The following THSD4 variants were observed in gnomAD, a reference collection of about 807,000 sequenced individuals.
THSD4 encodes thrombospondin type-1 domain-containing protein 4.
Under a neutral mutation model 119.0 loss-of-function variants are expected in THSD4, and 69 were observed. The ratio of observed to expected loss-of-function variants is 0.58; its 90% CI spans 0.48 to 0.71. The LOEUF is 0.71. Among genes scored for constraint, THSD4 ranks in the 30% least tolerant of loss-of-function variants. THSD4 has a pLI of 0.00. For missense variants in THSD4, 1,393 were observed against 1,391.1 expected, an observed-to-expected ratio of 1.00 and a Z score of -0.02; for synonymous variants, 524 against 540.4, an observed-to-expected ratio of 0.97 and a Z score of 0.42.
chr15:71,659,700 C>T (rs975715493), intron 7 of THSD4, among the ~76,000 whole-genome samples: 2 of 152,170 alleles, frequency 1.3e-5, no homozygotes, highest in Non-Finnish European at 2.9e-5. Context: ...ACATGAGCCA[C>T]CATGTCTGGC....
In THSD4 at chr15:71,777,256, A is replaced by G. The variant is rs1417195204; in HGVS notation, c.2939A>G (p.Tyr980Cys). The G allele has an allele frequency of 5.6e-6, 9 of 1,614,082 alleles. No individual in the cohort carries two copies. The highest frequency in any genetic ancestry group is 1.3e-5 in the African/African-American group (1 of 74,942). The change falls in exon 18 of 18, where the codon TAC becomes TGC. Residue 980 changes from tyrosine to cysteine, a missense_variant. Transcript: ENST00000261862. ...EVDENCKDKY[Y>C]NCNVVVQARL... ...GATGAAAACTGCAAGGACAAGTACT[A>G]CAACTGCAACGTGGTGGTCCAGGCA...
chr15:71,515,969 C>T (rs1004799527), intron 7 of THSD4, among the ~76,000 whole-genome samples: 6 of 152,152 alleles, frequency 3.9e-5, no homozygotes, highest in Non-Finnish European at 5.9e-5. Context: ...GTTAATACCC[C>T]AAATCAAGCC....
chr15:71,153,153 G>A (rs981978591), intron 2 of THSD4, among the ~76,000 whole-genome samples: 6 of 152,146 alleles, frequency 3.9e-5, no homozygotes, highest in African/African-American at 1.2e-4. Flanking sequence ...CAGGGCATCC[G>A]GATCAAGCTC....
At position 71,582,382 on chromosome 15, in the gene THSD4, G is replaced by A. The variant is rs569993402; in HGVS notation, c.1153-78148G>A. Reference sequence around the variant, plus strand: ...TTTATTAGTTTTAACAGGTTTTTTTGTTAGGGTCTAGGATTTTCTATGTAT... The same window carrying A: ...TTTATTAGTTTTAACAGGTTTTTTTATTAGGGTCTAGGATTTTCTATGTAT... On this transcript the variant is annotated intron_variant, in intron 7 of 17. Coordinates refer to ENST00000261862, the MANE Select transcript of THSD4 (RefSeq NM_024817.3). 5.3e-5 allele frequency among the ~76,000 whole-genome samples: 8 copies of A among 152,104 alleles called. No individual in the cohort carries two copies. In the East Asian group the frequency reaches 1.5e-3, roughly 29 times the overall value.
intron 6 of THSD4, among the ~76,000 whole-genome samples, chr15:71,375,375 C>G (rs2046119842): frequency 6.6e-6 from 1 of 152,160 alleles, no homozygotes; most frequent in Non-Finnish European, 1.5e-5. Flanking sequence ...TCTGACCTTC[C>G]AAGACCGAGT....
chr15:71,751,781 C>T (rs892087414), intron 14 of THSD4, among the ~76,000 whole-genome samples: 2 of 152,152 alleles, frequency 1.3e-5, no homozygotes, highest in Non-Finnish European at 2.9e-5. Context: ...GATCCTCCCT[C>T]CTCAGCCTCC....
rs757876516 is a variant in THSD4, at chr15:71,545,424, C to A, written c.1153-115106C>A. Reference sequence around the variant, plus strand: ...CAAATAAAGTTTTATTGGAACACAGCTACACCCATTCATGTGTGTGTTGTC... The same window carrying A: ...CAAATAAAGTTTTATTGGAACACAGATACACCCATTCATGTGTGTGTTGTC... On this transcript the variant is annotated intron_variant, in intron 7 of 17. Coordinates refer to ENST00000261862, the MANE Select transcript of THSD4 (RefSeq NM_024817.3). 2.6e-5 allele frequency among the ~76,000 whole-genome samples: 4 copies of A among 152,332 alleles called. No homozygotes were observed. In the South Asian group the frequency reaches 6.2e-4, roughly 24 times the overall value.
intron 7 of THSD4, among the ~76,000 whole-genome samples, chr15:71,558,171 T>C (rs1212487082): frequency 6.6e-6 from 1 of 152,032 alleles, no homozygotes; most frequent in Non-Finnish European, 1.5e-5. Context: ...CTACTAAAAA[T>C]ACAAAAATTA....
intron 7 of THSD4, among the ~76,000 whole-genome samples, chr15:71,436,579 C>T (rs561991783): frequency 8.5e-5 from 13 of 152,194 alleles, no homozygotes; most frequent in South Asian, 6.2e-4. Context: ...AGAGTGGTTT[C>T]GGTTATCCTG....
In THSD4 at chr15:71,442,690, A is replaced by G. The variant is rs1163881980; in HGVS notation, c.1152+30867A>G. Among the ~76,000 whole-genome samples the G allele has an allele frequency of 1.6e-3, 189 of 115,270 alleles. 25 individuals are homozygous for G. Among genetic ancestry groups the G allele is most frequent in the African/African-American group, 4.9e-3 (157 of 32,196 alleles). The allele number at this position is 115,270 out of a possible 152,430, so 75.6% of individuals were successfully genotyped here. A position where few individuals can be genotyped will look rare whatever the true frequency, so the allele number is the denominator to read the frequency against. ...TATATATATATATATATATATATAT[A>G]TATATATATATATGAAGGGAGGAGA... On this transcript the variant is annotated intron_variant, in intron 7 of 17. Transcript: ENST00000261862.
intron 7 of THSD4, among the ~76,000 whole-genome samples, chr15:71,640,134 G>A (rs2050827693): frequency 6.6e-6 from 1 of 152,174 alleles, no homozygotes; most frequent in Admixed American, 6.5e-5. Flanking sequence ...CTAGGCTGGA[G>A]TGGAGTGGCA....
At chr15:71,736,136 GCTCT>G (rs144506602) in intron 10 of THSD4, among the ~76,000 whole-genome samples, 1 of 120,366 alleles carries the variant, frequency 8.3e-6, no homozygotes, top group Non-Finnish European at 1.7e-5. Context: ...TCTCTCTCTT[GCTCT>G]CTCTCCGTCT....
chr15:71,459,628 A>G (rs968578666), intron 7 of THSD4, among the ~76,000 whole-genome samples: 5 of 152,234 alleles, frequency 3.3e-5, no homozygotes, highest in Non-Finnish European at 7.3e-5. Context: ...GAAAAATACA[A>G]AAAGAAACAC....
chr15:71,508,564 TG>T, intron 7 of THSD4, among the ~76,000 whole-genome samples: 1 of 150,788 alleles, frequency 6.6e-6, no homozygotes, highest in South Asian at 2.1e-4. Context: ...CGGCAGGGGG[TG>T]GGGTGGTGGG....
At chr15:71,581,591 T>C (rs2049560225) in intron 7 of THSD4, among the ~76,000 whole-genome samples, 1 of 151,948 alleles carries the variant, frequency 6.6e-6, no homozygotes, top group African/African-American at 2.4e-5. Flanking sequence ...AAAAAAATAT[T>C]ATTGCCTGGA....
At chr15:71,530,513 T>C (rs2048591684) in intron 7 of THSD4, among the ~76,000 whole-genome samples, 1 of 152,216 alleles carries the variant, frequency 6.6e-6, no homozygotes. Context: ...ACACTACTTA[T>C]TTGGGGCTAA....
Position 71,545,927 on chromosome 15 carries a change from T to C in THSD4, c.1153-114603T>C, listed in dbSNP as rs147633083. On this transcript the variant is annotated intron_variant, in intron 7 of 17. Coordinates refer to ENST00000261862, the MANE Select transcript of THSD4 (RefSeq NM_024817.3). Reference sequence around the variant, plus strand: ...GCAGTTAGGTTTAAAGTTTCCTCATTAATGCAGGAAAATGCTCATAACCTG... The same window carrying C: ...GCAGTTAGGTTTAAAGTTTCCTCATCAATGCAGGAAAATGCTCATAACCTG... Among the ~76,000 whole-genome samples, 287 of 152,298 alleles carry C rather than the reference T, an allele frequency of 1.9e-3. 1 individual carries two copies. The highest frequency in any genetic ancestry group is 6.7e-3 in the African/African-American group (280 of 41,564).
At chr15:71,731,280 C>T (rs1267364311) in intron 10 of THSD4, 63 bp downstream of exon 10, 2 of 1,498,002 alleles carry the variant, frequency 1.3e-6, no homozygotes. Flanking sequence ...TTCTCTCTCT[C>T]AATTCTTGTG....
intron 7 of THSD4, among the ~76,000 whole-genome samples, chr15:71,576,973 T>C (rs752118378): frequency 2.0e-5 from 3 of 152,114 alleles, no homozygotes; most frequent in East Asian, 1.9e-4. Flanking sequence ...TGGAGTGATA[T>C]ACAATTACTT....
Sources: gnomAD v4.1 joint callset for allele counts (sites outside exome capture counted in the v4.1 genomes callset) on GRCh38, gnomAD v4.1.1 for gene constraint, MANE v1.5 for transcripts, NCBI Gene and HGNC (gene_info 2026-07-23, HGNC 2026-07-21) for gene names.